The following CNTNAP5 variants were observed in gnomAD, a reference collection of about 807,000 sequenced individuals.
The protein encoded by CNTNAP5 is contactin associated protein family member 5, also known as contactin-associated protein-like 5.
Under a neutral mutation model 150.2 loss-of-function variants are expected in CNTNAP5, and 72 were observed. That is an observed-to-expected ratio of 0.48 (90% CI 0.40 to 0.58). CNTNAP5 has a LOEUF of 0.58. CNTNAP5 is among the 20% of genes least tolerant of loss of function. The pLI, the probability that CNTNAP5 is intolerant of heterozygous loss-of-function variation, is 0.00. For missense variants in CNTNAP5, 1,636 were observed against 1,626.2 expected, an observed-to-expected ratio of 1.01 and a Z score of -0.10; for synonymous variants, 672 against 619.8, an observed-to-expected ratio of 1.08 and a Z score of -1.25.
At chr2:124,464,823 G>A (rs760865173) in intron 6 of CNTNAP5, among the ~76,000 whole-genome samples, 1 of 152,146 alleles carries the variant, frequency 6.6e-6, no homozygotes, top group Non-Finnish European at 1.5e-5. Flanking sequence ...TCCTTTTGAA[G>A]GGCCATGAGC....
rs77420237 is a variant in CNTNAP5 at position 124,499,880 on chromosome 2, T to C, written c.1063-4412T>C. ...AATAGATTTGAAAGAGAGATTGAGA[T>C]TTATAATGAAAAATTGGCTCACTGG... On this transcript the variant is annotated intron_variant, in intron 7 of 23. Transcript: ENST00000682447. Among the ~76,000 whole-genome samples, 732 of 152,246 alleles carry C rather than the reference T, an allele frequency of 4.8e-3. 4 individuals are homozygous for C. Among genetic ancestry groups the C allele is most frequent in the East Asian group, 0.028 (143 of 5,174 alleles).
At chr2:124,245,665 AC>A (rs1687000513) in intron 3 of CNTNAP5, among the ~76,000 whole-genome samples, 1 of 87,946 alleles carries the variant, frequency 1.1e-5, no homozygotes, top group African/African-American at 5.1e-5. Context: ...ATATATACAC[AC>A]AAATATATAT....
chr2:124,253,862 G>C (rs755270692), intron 3 of CNTNAP5, among the ~76,000 whole-genome samples: 6 of 151,832 alleles, frequency 4.0e-5, no homozygotes, highest in Non-Finnish European at 7.4e-5. Flanking sequence ...AGATGATGGG[G>C]AAGGGGGATT....
chr2:124,836,962 C>T (rs1324170747), intron 19 of CNTNAP5, among the ~76,000 whole-genome samples: 6 of 152,032 alleles, frequency 3.9e-5, no homozygotes, highest in Non-Finnish European at 2.9e-5. Flanking sequence ...TTATGCCTCT[C>T]TCAGCATTCT....
intron 4 of CNTNAP5, among the ~76,000 whole-genome samples, chr2:124,420,236 A>C (rs1195761869): frequency 1.3e-5 from 2 of 151,686 alleles, no homozygotes; most frequent in East Asian, 3.9e-4. Flanking sequence ...TGATACACCC[A>C]GCTCGGCCTC....
intron 1 of CNTNAP5, among the ~76,000 whole-genome samples, chr2:124,171,350 C>T (rs889601923): frequency 6.6e-6 from 1 of 152,308 alleles, no homozygotes; most frequent in Admixed American, 6.5e-5. Context: ...ACAAAATGCC[C>T]TTGCCTCGTT....
At chr2:124,456,164 A>G (rs180794248) in intron 6 of CNTNAP5, among the ~76,000 whole-genome samples, 4 of 152,294 alleles carry the variant, frequency 2.6e-5, no homozygotes, top group African/African-American at 9.6e-5. Flanking sequence ...TACCTAGACA[A>G]CCCTAAAGAC....
At chr2:124,887,448 C>G (rs1055762960) in intron 21 of CNTNAP5, among the ~76,000 whole-genome samples, 1 of 152,004 alleles carries the variant, frequency 6.6e-6, no homozygotes, top group East Asian at 1.9e-4. Flanking sequence ...CTCAAGACTG[C>G]GGGATTCCCA....
chr2:124,711,186 G>A (rs940244415), intron 13 of CNTNAP5, among the ~76,000 whole-genome samples: 8 of 151,950 alleles, frequency 5.3e-5, no homozygotes, highest in South Asian at 4.2e-4. Flanking sequence ...CAGGAGAACA[G>A]CTTGAACCTG....
At chr2:124,238,008 T>A (rs955551253) in intron 2 of CNTNAP5, among the ~76,000 whole-genome samples, 3 of 152,154 alleles carry the variant, frequency 2.0e-5, no homozygotes, top group Admixed American at 2.0e-4. Context: ...CTGGGTTAGC[T>A]GCCTGGCCCA....
chr2:124,818,553 T>C (rs1339355114), intron 19 of CNTNAP5, among the ~76,000 whole-genome samples: 2 of 152,050 alleles, frequency 1.3e-5, no homozygotes, highest in Non-Finnish European at 2.9e-5. Context: ...ACATCTCCAA[T>C]TTAGTACCTC....
At chr2:124,565,223 G>A (rs1695990031) in intron 11 of CNTNAP5, among the ~76,000 whole-genome samples, 1 of 152,172 alleles carries the variant, frequency 6.6e-6, no homozygotes, top group African/African-American at 2.4e-5. Flanking sequence ...GAGTGATGTG[G>A]TTATTGCTGT....
intron 2 of CNTNAP5, among the ~76,000 whole-genome samples, chr2:124,241,679 T>C (rs1262827516): frequency 6.6e-6 from 1 of 152,150 alleles, no homozygotes; most frequent in Admixed American, 6.5e-5. Context: ...ATAGTCGGTG[T>C]CCTTTCATCT....
chr2:124,409,578 TTC>T (rs1691688889), intron 3 of CNTNAP5, among the ~76,000 whole-genome samples: 1 of 92,038 alleles, frequency 1.1e-5, no homozygotes, highest in African/African-American at 4.3e-5. Flanking sequence ...ATATTCAACA[TTC>T]TTAAAGAAAA....
chr2:124,192,719 T>C (rs548623663), intron 1 of CNTNAP5, among the ~76,000 whole-genome samples: 2 of 152,204 alleles, frequency 1.3e-5, no homozygotes, highest in Admixed American at 1.3e-4. Flanking sequence ...TCCTCAAATC[T>C]TCGTAAAATG....
chr2:124,436,050 G>T (rs748092817), intron 5 of CNTNAP5, among the ~76,000 whole-genome samples: 9 of 152,264 alleles, frequency 5.9e-5, no homozygotes, highest in Middle Eastern at 6.8e-3. Flanking sequence ...ACACAAACAT[G>T]CATCAATACA....
At chr2:124,068,730 G>A (rs550823695) in intron 1 of CNTNAP5, among the ~76,000 whole-genome samples, 1 of 151,646 alleles carries the variant, frequency 6.6e-6, no homozygotes, top group South Asian at 2.1e-4. Flanking sequence ...AGAGAGAAAA[G>A]TAAGGAGTAC....
At chr2:124,301,204 GA>G (rs1280797263) in intron 3 of CNTNAP5, among the ~76,000 whole-genome samples, 1 of 152,186 alleles carries the variant, frequency 6.6e-6, no homozygotes, top group African/African-American at 2.4e-5. Flanking sequence ...GATAGTCTCT[GA>G]ATCTTTATTT....
At chr2:124,259,893 C>T (rs1171848244) in intron 3 of CNTNAP5, among the ~76,000 whole-genome samples, 1 of 152,180 alleles carries the variant, frequency 6.6e-6, no homozygotes, top group African/African-American at 2.4e-5. Context: ...AAGCACATTC[C>T]ATGCTCATGT....
Sources: gnomAD v4.1 joint callset for allele counts (sites outside exome capture counted in the v4.1 genomes callset) on GRCh38, gnomAD v4.1.1 for gene constraint, MANE v1.5 for transcripts, NCBI Gene and HGNC (gene_info 2026-07-23, HGNC 2026-07-21) for gene names.